RNF144A: variants seen among roughly 807,000 people sequenced by gnomAD.
RNF144A encodes the protein E3 ubiquitin-protein ligase RNF144A.
In RNF144A, 11 loss-of-function variants were observed where a neutral mutation model predicts 38.7. The ratio of observed to expected loss-of-function variants is 0.28; its 90% CI spans 0.18 to 0.47. RNF144A has a LOEUF of 0.47. RNF144A is among the 20% of genes least tolerant of loss of function. RNF144A has a pLI of 0.99. For missense variants in RNF144A, 316 were observed against 377.2 expected (o/e 0.84, Z 1.34); for synonymous variants, 149 against 143.9 (o/e 1.04, Z -0.25).
At chr2:6,984,802 G>A (rs1350089022) in intron 2 of RNF144A, among the ~76,000 whole-genome samples, 1 of 152,200 alleles carries the variant, frequency 6.6e-6, no homozygotes, top group Non-Finnish European at 1.5e-5. Flanking sequence ...ATGTGGTCCT[G>A]ACATGCAAGG....
intron 3 of RNF144A, among the ~76,000 whole-genome samples, chr2:7,004,880 T>G (rs1416482676): frequency 6.6e-6 from 1 of 152,216 alleles, no homozygotes; most frequent in Admixed American, 6.5e-5. Flanking sequence ...TATGTTCTGC[T>G]TTTTCATAAA....
intron 2 of RNF144A, among the ~76,000 whole-genome samples, chr2:6,990,730 T>G (rs990680089): frequency 6.6e-6 from 1 of 152,082 alleles, no homozygotes; most frequent in Admixed American, 6.5e-5. Context: ...CACTCACCCT[T>G]GGTGTTGCAC....
chr2:6,991,065 G>A (rs1292668956), intron 2 of RNF144A, among the ~76,000 whole-genome samples: 1 of 152,106 alleles, frequency 6.6e-6, no homozygotes. Context: ...ATATACCATA[G>A]TTTACCCATT....
chr2:6,990,059 G>T (rs774385666), intron 2 of RNF144A, among the ~76,000 whole-genome samples: 13 of 152,094 alleles, frequency 8.5e-5, no homozygotes, highest in Admixed American at 2.0e-4. Context: ...CTCTCCCAGG[G>T]TTCATAATTT....
chr2:7,067,580 G>A lies in RNF144A; in HGVS notation c.735-636G>A, dbSNP rs929136210. 3.3e-5 allele frequency among the ~76,000 whole-genome samples: 5 copies of A among 152,086 alleles called. No individual in the cohort carries two copies. The East Asian group carries it at 5.8e-4, about 18-fold the overall frequency. Reference sequence around the variant, plus strand: ...AATGCCTGACTGCTTGCACCATCCAGTATGTTGGAACTATCAAGTCCCAAC... The same window carrying A: ...AATGCCTGACTGCTTGCACCATCCAATATGTTGGAACTATCAAGTCCCAAC... On this transcript the variant is annotated intron_variant, in intron 6 of 6. Coordinates refer to the RNF144A transcript ENST00000432850.
intron 6 of RNF144A, among the ~76,000 whole-genome samples, chr2:7,052,836 C>G (rs1210396426): frequency 9.8e-6 from 1 of 102,206 alleles, no homozygotes; most frequent in Non-Finnish European, 1.9e-5. Flanking sequence ...GCCCCCCTTT[C>G]CAACACACAC....
chr2:7,032,971 C>G (rs1163943447), intron 8 of RNF144A, among the ~76,000 whole-genome samples: 1 of 152,264 alleles, frequency 6.6e-6, no homozygotes, highest in Non-Finnish European at 1.5e-5. Flanking sequence ...GGGGACCCGG[C>G]ATTTGCACAG....
chr2:7,031,980 C>T (rs1018009000), intron 8 of RNF144A, among the ~76,000 whole-genome samples: 19 of 152,390 alleles, frequency 1.2e-4, no homozygotes, highest in African/African-American at 4.6e-4. Flanking sequence ...ACTCTGTGAA[C>T]ACACTGGAAA....
At position 7,041,496 on chromosome 2, in the gene RNF144A, C is replaced by T; in HGVS notation, c.*1736C>T. On this transcript the variant is annotated 3_prime_UTR_variant, in exon 9 of 9. Transcript: ENST00000320892. ...AGTTTAGTAACTCAGTAAGAACATG[C>T]CTGCGACTCCCTTTCTGGATGGAAC... 1.0e-6 allele frequency: 1 copy of T among 985,980 alleles called. No individual in the cohort carries two copies. The highest frequency in any genetic ancestry group is 1.2e-6 in the Non-Finnish European group (1 of 829,940). 61.1% of individuals were successfully genotyped at this position (985,980 alleles called of 1,614,324 possible).
chr2:7,001,036 A>G (rs1553340629), intron 3 of RNF144A, among the ~76,000 whole-genome samples: 2 of 151,624 alleles, frequency 1.3e-5, no homozygotes, highest in African/African-American at 4.8e-5. Context: ...ACAGTGGCTC[A>G]TGTCTGTAAT....
chr2:6,964,339 T>C (rs1049282863), intron 2 of RNF144A, among the ~76,000 whole-genome samples: 1 of 152,170 alleles, frequency 6.6e-6, no homozygotes, highest in African/African-American at 2.4e-5. Context: ...GGAGAGGATG[T>C]GGAGAAATAG....
chr2:6,920,236 G>C (rs746413096), intron 1 of RNF144A, among the ~76,000 whole-genome samples: 16 of 152,272 alleles, frequency 1.1e-4, no homozygotes, highest in African/African-American at 2.9e-4. Flanking sequence ...TTTCCCTCTG[G>C]GGGTAGAGAT....
chr2:6,961,369 A>C (rs1337366029), intron 2 of RNF144A, among the ~76,000 whole-genome samples: 1 of 151,274 alleles, frequency 6.6e-6, no homozygotes. Flanking sequence ...TTTATTTTCC[A>C]GATTGAATTC....
chr2:6,979,781 T>G (rs1380087822), intron 2 of RNF144A, among the ~76,000 whole-genome samples: 1 of 152,244 alleles, frequency 6.6e-6, no homozygotes, highest in East Asian at 1.9e-4. Flanking sequence ...GCATCCCTCT[T>G]AAACCTCAGT....
intron 2 of RNF144A, among the ~76,000 whole-genome samples, chr2:6,986,084 TGAA>T (rs1166699990): frequency 4.6e-5 from 7 of 152,158 alleles, no homozygotes; most frequent in African/African-American, 1.7e-4. Flanking sequence ...GCAGAAGGAA[TGAA>T]GGCTGCACAG....
At chr2:7,016,135 A>G (rs983225122) in intron 5 of RNF144A, among the ~76,000 whole-genome samples, 3 of 151,828 alleles carry the variant, frequency 2.0e-5, no homozygotes, top group African/African-American at 7.3e-5. Flanking sequence ...AAGAAAAAGA[A>G]AAAAATATGT....
chr2:7,025,895 C>G (rs759320221), intron 7 of RNF144A, among the ~76,000 whole-genome samples: 3 of 152,128 alleles, frequency 2.0e-5, no homozygotes, highest in African/African-American at 4.8e-5. Flanking sequence ...TGGGGCAGGG[C>G]GGACAGTCAG....
chr2:7,034,587 T>C (rs441241), intron 8 of RNF144A, among the ~76,000 whole-genome samples: 103,286 of 152,176 alleles, frequency 0.68, 35,930 homozygotes, highest in South Asian at 0.88. Context: ...GAAGGACACC[T>C]GGTAGCACCA....
intron 2 of RNF144A, among the ~76,000 whole-genome samples, chr2:6,978,007 G>GT (rs1191471301): frequency 1.3e-5 from 2 of 152,126 alleles, no homozygotes; most frequent in African/African-American, 4.8e-5. Flanking sequence ...AGTGTCCTTG[G>GT]TGGGTATGTG....
Sources: allele counts gnomAD v4.1 joint callset (sites outside exome capture counted in the v4.1 genomes callset), GRCh38; gene constraint gnomAD v4.1.1; transcripts MANE v1.5; gene names NCBI Gene and HGNC (gene_info 2026-07-23, HGNC 2026-07-21).